LHPP: variants seen among roughly 807,000 people sequenced by gnomAD.
LHPP encodes hLHPP.
LHPP carries 24 observed loss-of-function variants against 30.3 expected under a neutral mutation model. The observed-to-expected ratio is 0.79, with a 90% CI of 0.57 to 1.11. The LOEUF (loss-of-function observed/expected upper bound fraction) is 1.11, where lower values mean the gene tolerates loss of function less well. LHPP is among the 50% of genes most tolerant of loss of function. LHPP has a pLI of 0.00. For synonymous variants in LHPP, 150 were observed against 157.1 expected (o/e 0.95, Z 0.34); for missense variants, 356 against 367.2 (o/e 0.97, Z 0.25).
Position 124,462,000 on chromosome 10 carries a change from C to T in LHPP, c.125+13C>T, listed in dbSNP as rs192270550. 5.4e-3 allele frequency: 6,520 copies of T among 1,208,334 alleles called. 236 individuals are homozygous for T. The African/African-American group carries it at 0.085, about 16-fold the overall frequency. The allele number at this position is 1,208,334 out of a possible 1,614,324, so 74.9% of individuals were successfully genotyped here. Reference sequence around the variant, plus strand: ...AGGCGGTGGCCAGGTGAGTGGGCCCCGGGACGCCGCTGGGGCCGCCGAGCT... The same window carrying T: ...AGGCGGTGGCCAGGTGAGTGGGCCCTGGGACGCCGCTGGGGCCGCCGAGCT... On this transcript the variant is annotated intron_variant, in intron 1 of 6. Transcript: ENST00000368842.
intron 6 of LHPP, among the ~76,000 whole-genome samples, chr10:124,574,065 C>T (rs114639502): frequency 0.011 from 1,683 of 152,242 alleles, 27 homozygotes; most frequent in African/African-American, 0.038. Flanking sequence ...GGACACGAAG[C>T]CCTGGTGCTG....
chr10:124,570,162 C>G (rs7916424), intron 6 of LHPP, among the ~76,000 whole-genome samples: 2,588 of 152,298 alleles, frequency 0.017, 60 homozygotes, highest in African/African-American at 0.057. Flanking sequence ...TCCAGGATTA[C>G]TCTTAGGAGG....
chr10:124,542,353 G>A (rs1450603413), intron 6 of LHPP, among the ~76,000 whole-genome samples: 1 of 152,194 alleles, frequency 6.6e-6, no homozygotes, highest in Non-Finnish European at 1.5e-5. Context: ...AGCCAGAGAG[G>A]TACGAATACA....
chr10:124,565,891 A>T (rs1045150281), intron 6 of LHPP, among the ~76,000 whole-genome samples: 10 of 152,240 alleles, frequency 6.6e-5, no homozygotes, highest in African/African-American at 2.2e-4. Flanking sequence ...GTGTCACTGC[A>T]GGAGCTAAGG....
At chr10:124,589,092 C>T (rs751081592) in intron 6 of LHPP, among the ~76,000 whole-genome samples, 1 of 152,214 alleles carries the variant, frequency 6.6e-6, no homozygotes, top group Non-Finnish European at 1.5e-5. Flanking sequence ...AGGCCTGTCA[C>T]CTTCAAGGAC....
chr10:124,574,696 G>C lies in LHPP; in HGVS notation c.717-38568G>C, dbSNP rs55762237. The stretch of plus-strand genomic sequence containing the variant: ...TGATTTGGGCCCCGTAGGGCCAGAG[G>C]GGGGATTTGTAGGGACAGAGCAGGA... On this transcript the variant is annotated intron_variant, in intron 6 of 6. Coordinates refer to ENST00000368842, the MANE Select transcript of LHPP (RefSeq NM_022126.4). 5.8e-4 allele frequency among the ~76,000 whole-genome samples: 89 copies of C among 152,184 alleles called. 1 individual carries two copies. Among genetic ancestry groups the C allele is most frequent in the Middle Eastern group, 6.8e-3 (2 of 294 alleles).
intron 6 of LHPP, among the ~76,000 whole-genome samples, chr10:124,586,133 G>C (rs559677593): frequency 1.3e-5 from 2 of 152,308 alleles, no homozygotes; most frequent in African/African-American, 2.4e-5. Flanking sequence ...TTCTTAGGCT[G>C]GTTCAAGGCT....
chr10:124,581,719 A>G (rs1312318222), intron 6 of LHPP, among the ~76,000 whole-genome samples: 1 of 152,156 alleles, frequency 6.6e-6, no homozygotes, highest in Non-Finnish European at 1.5e-5. Context: ...CCTTGGAGAA[A>G]TGTCTATTCA....
At chr10:124,606,720 G>T (rs1464925802) in intron 6 of LHPP, among the ~76,000 whole-genome samples, 1 of 151,230 alleles carries the variant, frequency 6.6e-6, no homozygotes, top group Non-Finnish European at 1.5e-5. Flanking sequence ...GGGGGCCTGG[G>T]CTGGGCCTGG....
chr10:124,487,488 G>A (rs1016388624), intron 2 of LHPP, among the ~76,000 whole-genome samples: 1 of 148,814 alleles, frequency 6.7e-6, no homozygotes, highest in Non-Finnish European at 1.5e-5. Flanking sequence ...TGTTGCCCAG[G>A]CTGGAATACA....
At chr10:124,570,154 C>T (rs564374543) in intron 6 of LHPP, among the ~76,000 whole-genome samples, 86 of 152,336 alleles carry the variant, frequency 5.6e-4, no homozygotes, top group African/African-American at 2.0e-3. Context: ...TGGTAGCTTC[C>T]AGGATTACTC....
rs553519499 is a variant in LHPP, at chr10:124,536,085, C to T, written c.716+18814C>T. ...TCTGCCCTGTTACAGACGCGGAAGC[C>T]GGGGTGGAGCAGGCCTGTAAGGTGG... On this transcript the variant is annotated intron_variant, in intron 6 of 6. Coordinates refer to ENST00000368842, the MANE Select transcript of LHPP (RefSeq NM_022126.4). Among the ~76,000 whole-genome samples, 17 of 152,382 alleles carry T rather than the reference C, an allele frequency of 1.1e-4. No homozygotes were observed. The South Asian group carries it at 1.9e-3, about 17-fold the overall frequency.
At chr10:124,585,608 C>CT (rs1948794516) in intron 6 of LHPP, among the ~76,000 whole-genome samples, 1 of 146,816 alleles carries the variant, frequency 6.8e-6, no homozygotes, top group Non-Finnish European at 1.5e-5. Flanking sequence ...GAACGAGACT[C>CT]TATCTCTAAA....
chr10:124,515,369 T>G (rs1433793069), intron 5 of LHPP, among the ~76,000 whole-genome samples: 1 of 152,128 alleles, frequency 6.6e-6, no homozygotes, highest in Non-Finnish European at 1.5e-5. Flanking sequence ...TATCTTCCAT[T>G]TCTCTACTTT....
At chr10:124,491,094 G>A (rs1953513568) in intron 3 of LHPP, among the ~76,000 whole-genome samples, 1 of 152,024 alleles carries the variant, frequency 6.6e-6, no homozygotes, top group African/African-American at 2.4e-5. Context: ...TGGAATCACA[G>A]GGTTCTGCAC....
At chr10:124,494,755 C>T (rs1283862606) in intron 3 of LHPP, among the ~76,000 whole-genome samples, 1 of 152,192 alleles carries the variant, frequency 6.6e-6, no homozygotes, top group African/African-American at 2.4e-5. Context: ...GTCCCCCGCC[C>T]TGTTCAAGCA....
chr10:124,508,953 T>G (rs1223967021), intron 5 of LHPP, among the ~76,000 whole-genome samples: 1 of 152,108 alleles, frequency 6.6e-6, no homozygotes, highest in Admixed American at 6.6e-5. Context: ...GGGGGTTTGG[T>G]GTGCAGATTA....
In LHPP at chr10:124,612,276, G is replaced by T. The variant is rs557618629; in HGVS notation, c.717-988G>T. On this transcript the variant is annotated intron_variant, in intron 6 of 6. Coordinates refer to ENST00000368842, the MANE Select transcript of LHPP (RefSeq NM_022126.4). ...ACAAAAAAAGCCGGGCGTGGTGGCG[G>T]GTGCCTGTAGTCCCAGCTACTCAAG... Among the ~76,000 whole-genome samples the T allele has an allele frequency of 1.3e-3, 201 of 152,150 alleles. 1 individual carries two copies. Among genetic ancestry groups the T allele is most frequent in the African/African-American group, 3.4e-3 (143 of 41,548 alleles).
At chr10:124,498,622 G>A (rs926802136) in intron 5 of LHPP, 2 of 655,928 alleles carry the variant, frequency 3.0e-6, no homozygotes, top group African/African-American at 3.7e-5. Flanking sequence ...CCCTAAGTGA[G>A]TCTGGCTTCG....
Sources: allele counts gnomAD v4.1 joint callset (sites outside exome capture counted in the v4.1 genomes callset), GRCh38; gene constraint gnomAD v4.1.1; transcripts MANE v1.5; gene names NCBI Gene and HGNC (gene_info 2026-07-23, HGNC 2026-07-21).